GSK3B: variants seen among roughly 807,000 people sequenced by gnomAD.
GSK3B encodes glycogen synthase kinase-3 beta.
GSK3B carries 15 observed loss-of-function variants against 56.4 expected under a neutral mutation model. The observed-to-expected ratio is 0.27, with a 90% CI of 0.18 to 0.41. The LOEUF (loss-of-function observed/expected upper bound fraction) is 0.41, where lower values mean the gene tolerates loss of function less well. Ranked by LOEUF, GSK3B falls within the 10% of genes least tolerant of loss-of-function variation. The probability of loss-of-function intolerance (pLI) is 1.00; values close to 1 mark genes in which losing one functional copy is unlikely to be tolerated. For missense variants in GSK3B, 300 were observed against 513.4 expected, an observed-to-expected ratio of 0.58 and a Z score of 4.02; for synonymous variants, 181 against 188.9, an observed-to-expected ratio of 0.96 and a Z score of 0.34.
At chr3:119,901,593 A>T (rs1185493198) in intron 7 of GSK3B, among the ~76,000 whole-genome samples, 5 of 152,176 alleles carry the variant, frequency 3.3e-5, no homozygotes, top group Non-Finnish European at 7.4e-5. Context: ...TCATGCTGTA[A>T]ATTACTGGCA....
intron 4 of GSK3B, among the ~76,000 whole-genome samples, chr3:119,919,127 C>A (rs1170953428): frequency 6.6e-6 from 1 of 152,100 alleles, no homozygotes; most frequent in Non-Finnish European, 1.5e-5. Flanking sequence ...CTGAAATATA[C>A]TCATCAGAAA....
chr3:119,938,443 G>C (rs1360158882), intron 3 of GSK3B, among the ~76,000 whole-genome samples: 1 of 151,924 alleles, frequency 6.6e-6, no homozygotes, highest in Non-Finnish European at 1.5e-5. Context: ...CAAGATTGGG[G>C]TATAATCCTT....
intron 2 of GSK3B, among the ~76,000 whole-genome samples, chr3:119,956,706 C>T (rs529956368): frequency 3.2e-4 from 48 of 152,148 alleles, no homozygotes; most frequent in Non-Finnish European, 6.0e-4. Context: ...AGTGGAGTAA[C>T]GTAAGCCTTA....
intron 7 of GSK3B, among the ~76,000 whole-genome samples, chr3:119,891,691 C>A (rs1259483154): frequency 6.6e-6 from 1 of 151,972 alleles, no homozygotes; most frequent in Admixed American, 6.6e-5. Context: ...AAAACTGAGT[C>A]CTTTTTTGAC....
At chr3:119,976,867 T>C (rs2057413855) in intron 2 of GSK3B, among the ~76,000 whole-genome samples, 1 of 149,860 alleles carries the variant, frequency 6.7e-6, no homozygotes, top group Admixed American at 6.6e-5. Context: ...ACCTCAGATA[T>C]ATATGGGAAT....
At chr3:120,021,624 T>C (rs1359013154) in intron 1 of GSK3B, among the ~76,000 whole-genome samples, 1 of 152,010 alleles carries the variant, frequency 6.6e-6, no homozygotes, top group Non-Finnish European at 1.5e-5. Context: ...GTGGAGGAAG[T>C]CACTGCAGAT....
chr3:120,043,291 A>G (rs1043437602), intron 1 of GSK3B, among the ~76,000 whole-genome samples: 1 of 152,152 alleles, frequency 6.6e-6, no homozygotes. Flanking sequence ...CAAAGAAAAA[A>G]ACCTCTCAAA....
chr3:120,012,312 C>T (rs577055458), intron 1 of GSK3B, among the ~76,000 whole-genome samples: 1 of 152,166 alleles, frequency 6.6e-6, no homozygotes, highest in Non-Finnish European at 1.5e-5. Flanking sequence ...GAAACTGTAA[C>T]AAATCTGCTT....
intron 9 of GSK3B, chr3:119,843,676 A>C (rs1039365399): frequency 1.8e-5 from 3 of 164,774 alleles, no homozygotes; most frequent in Admixed American, 1.3e-4. Flanking sequence ...TCATAAAGGA[A>C]GTTCTTAGAG....
At chr3:119,990,318 A>G (rs58742584) in intron 2 of GSK3B, among the ~76,000 whole-genome samples, 2,837 of 152,218 alleles carry the variant, frequency 0.019, 78 homozygotes, top group African/African-American at 0.065. Flanking sequence ...CAATCTTGTG[A>G]TAAGCCCCCT....
chr3:119,829,404 A>G (rs1485031624), intron 10 of GSK3B, among the ~76,000 whole-genome samples: 4 of 152,212 alleles, frequency 2.6e-5, no homozygotes, highest in Non-Finnish European at 5.9e-5. Flanking sequence ...GATAACAGGT[A>G]GAACTGTCAT....
intron 9 of GSK3B, among the ~76,000 whole-genome samples, chr3:119,854,675 C>T (rs1232679284): frequency 6.6e-6 from 1 of 152,138 alleles, no homozygotes; most frequent in African/African-American, 2.4e-5. Flanking sequence ...GGAATTTATC[C>T]ATTTCTTCTA....
chr3:119,882,560 G>A (rs76653393), intron 7 of GSK3B, among the ~76,000 whole-genome samples: 4,164 of 152,090 alleles, frequency 0.027, 180 homozygotes, highest in African/African-American at 0.092. Flanking sequence ...TAAGTTGCAG[G>A]TATCAGTACA....
intron 3 of GSK3B, among the ~76,000 whole-genome samples, chr3:119,943,519 A>G (rs186493159): frequency 7.2e-5 from 11 of 152,332 alleles, no homozygotes; most frequent in Non-Finnish European, 1.0e-4. Flanking sequence ...AAAGGTCAGG[A>G]CAGTAGTAGT....
chr3:120,003,280 TC>T (rs1346408128), intron 1 of GSK3B, among the ~76,000 whole-genome samples: 1 of 152,162 alleles, frequency 6.6e-6, no homozygotes, highest in Non-Finnish European at 1.5e-5. Flanking sequence ...AAGAGCCACC[TC>T]CTACTTCACT....
rs181259974 is a variant in GSK3B at position 120,063,497 on chromosome 3, T to G, written c.88+29850A>C. Among the ~76,000 whole-genome samples the G allele has an allele frequency of 1.7e-4, 26 of 152,090 alleles. No homozygotes were observed. The East Asian group carries it at 5.0e-3, about 29-fold the overall frequency. On this transcript the variant is annotated intron_variant, in intron 1 of 10. Transcript: ENST00000264235. Reference sequence around the variant, plus strand: ...ATCCCAGCACTTTGGGAAGCCAAGGTGGGCGGATCACCTGAGGTCAGGAGG... The same window carrying G: ...ATCCCAGCACTTTGGGAAGCCAAGGGGGGCGGATCACCTGAGGTCAGGAGG...
At chr3:119,873,782 A>G (rs1417330330) in intron 8 of GSK3B, among the ~76,000 whole-genome samples, 1 of 152,200 alleles carries the variant, frequency 6.6e-6, no homozygotes, top group Non-Finnish European at 1.5e-5. Flanking sequence ...AATCCCAGTA[A>G]CACCCACTCT....
chr3:120,017,136 G>A (rs953872727), intron 1 of GSK3B, among the ~76,000 whole-genome samples: 4 of 152,186 alleles, frequency 2.6e-5, no homozygotes, highest in African/African-American at 9.6e-5. Flanking sequence ...TTTTTCTTAA[G>A]AAGGAAGGTT....
chr3:119,986,738 G>A (rs1439609379), intron 2 of GSK3B, among the ~76,000 whole-genome samples: 1 of 152,196 alleles, frequency 6.6e-6, no homozygotes, highest in Non-Finnish European at 1.5e-5. Context: ...GTTGGTGGCA[G>A]TGTAAATTGG....
Sources: allele counts gnomAD v4.1 joint callset (sites outside exome capture counted in the v4.1 genomes callset), GRCh38; gene constraint gnomAD v4.1.1; transcripts MANE v1.5; gene names NCBI Gene and HGNC (gene_info 2026-07-23, HGNC 2026-07-21).